Variants in STIP1 observed in about 807,000 individuals in gnomAD.
STIP1 encodes stress-induced-phosphoprotein 1.
Under a neutral mutation model 77.4 loss-of-function variants are expected in STIP1, and 16 were observed. The ratio of observed to expected loss-of-function variants is 0.21; its 90% CI spans 0.14 to 0.31. STIP1 has a LOEUF of 0.31. Ranked by LOEUF, STIP1 falls within the 10% of genes least tolerant of loss-of-function variation. The pLI is 1.00. For synonymous variants in STIP1, 258 were observed against 246.6 expected (o/e 1.05, Z -0.44); for missense variants, 524 against 684.8 (o/e 0.77, Z 2.62).
At chr11:64,185,649 G>T (rs3751122), upstream of STIP1, 89,806 of 838,148 alleles carry the variant, frequency 0.11, 7,848 homozygotes, top group East Asian at 0.47. Context: ...GCAACCCAGA[G>T]GCCCCGCAGC....
chr11:64,185,534 G>A (rs1420651690), upstream of STIP1: 3 of 442,638 alleles, frequency 6.8e-6, no homozygotes, highest in African/African-American at 4.1e-5. Flanking sequence ...AGCTCCCACC[G>A]GCTAGGACCC....
At chr11:64,199,372 G>C (rs1372308615) in intron 8 of STIP1, among the ~76,000 whole-genome samples, 1 of 149,242 alleles carries the variant, frequency 6.7e-6, no homozygotes, top group Non-Finnish European at 1.5e-5. Context: ...CTGGTATGGT[G>C]GTGGGCGCCT....
In STIP1 at chr11:64,186,244, T is replaced by C. The variant is rs1023112598; in HGVS notation, c.-18T>C. 10 of 1,505,716 alleles carry C rather than the reference T, an allele frequency of 6.6e-6. No individual in the cohort carries two copies. The highest frequency in any genetic ancestry group is 8.0e-6 in the Non-Finnish European group (9 of 1,119,822). The allele number at this position is 1,505,716 out of a possible 1,614,324, so 93.3% of individuals were successfully genotyped here. A position where few individuals can be genotyped will look rare whatever the true frequency, so the allele number is the denominator to read the frequency against. On this transcript the variant is annotated 5_prime_UTR_variant, in exon 1 of 14. Coordinates refer to ENST00000305218, the MANE Select transcript of STIP1 (RefSeq NM_006819.3). ...GCGGACGGATTCGATTCAACGGGGT[T>C]CCGGACCGCGCTGCGCTATGGAGCA...
intron 5 of STIP1, 46 bp from the exon 6 acceptor site, chr11:64,197,225 C>T (rs1946160651): frequency 1.9e-6 from 3 of 1,606,048 alleles, no homozygotes; most frequent in Non-Finnish European, 2.5e-6. Context: ...CTTGCTTTGT[C>T]ACCTGAGTTA....
intron 4 of STIP1, among the ~76,000 whole-genome samples, chr11:64,195,322 G>A (rs894605305): frequency 6.6e-6 from 1 of 152,040 alleles, no homozygotes; most frequent in African/African-American, 2.4e-5. Context: ...CACCATGTTG[G>A]CTAGGCTGGT....
chr11:64,198,641 C>G (rs1286321359), intron 8 of STIP1, among the ~76,000 whole-genome samples: 2 of 152,092 alleles, frequency 1.3e-5, no homozygotes, highest in East Asian at 3.9e-4. Context: ...GCCACTATGC[C>G]TGGCTGAACC....
rs1555043597 is a variant in STIP1 at position 64,202,987 on chromosome 11, A to G, written c.1282+75A>G. On this transcript the variant is annotated intron_variant, in intron 11 of 13. Coordinates refer to ENST00000305218, the MANE Select transcript of STIP1 (RefSeq NM_006819.3). ...GAAGGAAAGGGCAAGCCCTTTGTCT[A>G]CCTGTGTGTCCTTGGGACCTGTAGG... 8 of 1,605,654 alleles carry G rather than the reference A, an allele frequency of 5.0e-6. No homozygotes were observed. In the South Asian group the frequency reaches 8.8e-5, roughly 18 times the overall value.
Position 64,194,209 on chromosome 11 carries a change from A to G in STIP1, c.240A>G (p.Ala80=). The G allele has an allele frequency of 6.2e-7, 1 of 1,613,782 alleles. No homozygotes were observed. The highest frequency in any genetic ancestry group is 2.2e-5 in the East Asian group (1 of 44,886). ...DWGKGYSRKA[A]ALEFLNRFEE... is the part of the protein sequence containing the mutation. ...TTAAGGGCTATTCACGAAAAGCAGCAGCTCTAGAGTTCTTAAACCGCTTTG... is the reference window on the plus strand; with the variant it reads ...TTAAGGGCTATTCACGAAAAGCAGCGGCTCTAGAGTTCTTAAACCGCTTTG... The change falls in exon 3 of 14, where the codon GCA becomes GCG. Residue 80 remains alanine (A), a synonymous_variant. Transcript: ENST00000305218.
At chr11:64,202,754 ATGT>A (rs145620093) in intron 10 of STIP1, 119 bp from the exon 11 acceptor site, 55,862 of 1,072,564 alleles carry the variant, frequency 0.052, 1,757 homozygotes, top group Non-Finnish European at 0.062. Flanking sequence ...GTCTTTCCTG[ATGT>A]TGTCCCCTCT....
chr11:64,199,378 C>T (rs568560529), intron 8 of STIP1, among the ~76,000 whole-genome samples: 1 of 147,862 alleles, frequency 6.8e-6, no homozygotes, highest in African/African-American at 2.5e-5. Flanking sequence ...TGGTGGTGGG[C>T]GCCTGCAGTC....
intron 1 of STIP1, among the ~76,000 whole-genome samples, chr11:64,191,426 T>G (rs1946091270): frequency 6.6e-6 from 1 of 150,856 alleles, no homozygotes; most frequent in Admixed American, 6.6e-5. Context: ...GCCAACATGG[T>G]GAAACTCCAT....
Position 64,197,590 on chromosome 11 carries a change from T to G in STIP1, c.897T>G (p.Ile299Met). ...GRENREDYRQ[I>M]AKAYARIGNS... ...AAAACCGAGAAGACTATCGACAGAT[T>G]GCCAAGTAGGCTCAACCTTCCAGAA... Residue 299 changes from isoleucine (I) to methionine (M), a missense_variant, in exon 7 of 14, where the codon ATT becomes ATG. By Grantham distance (10) the Ile-to-Met change is conservative. Coordinates refer to ENST00000305218, the MANE Select transcript of STIP1 (RefSeq NM_006819.3). 1.9e-6 allele frequency: 3 copies of G among 1,614,136 alleles called. No individual in the cohort carries two copies. Among genetic ancestry groups the G allele is most frequent in the Non-Finnish European group, 2.5e-6 (3 of 1,179,992 alleles).
In STIP1 at chr11:64,197,529, G is replaced by A. The variant is rs551954785; in HGVS notation, c.836G>A (p.Arg279Gln). Residue 279 changes from arginine to glutamine, a missense_variant, in exon 7 of 14, where the codon CGG (arginine) becomes CAG (glutamine). By Grantham distance (43) the Arg-to-Gln change is conservative. Transcript: ENST00000305218. ...GAAAAGGGCGACTACAATAAGTGCC[G>A]GGAGCTTTGTGAGAAGGCCATTGAA... ...YFEKGDYNKC[R>Q]ELCEKAIEVG... 5.6e-6 allele frequency: 9 copies of A among 1,614,158 alleles called. No homozygotes were observed. Among genetic ancestry groups the A allele is most frequent in the African/African-American group, 4.0e-5 (3 of 75,036 alleles).
intron 8 of STIP1, among the ~76,000 whole-genome samples, chr11:64,198,653 G>A (rs929599857): frequency 6.6e-6 from 1 of 151,466 alleles, no homozygotes; most frequent in Non-Finnish European, 1.5e-5. Context: ...GGCTGAACCT[G>A]ATCTTTTTTT....
chr11:64,189,990 A>G lies in STIP1; in HGVS notation c.10-3088A>G, dbSNP rs916438050. The stretch of plus-strand genomic sequence containing the variant: ...CTGATCTCTCTATTTGAGGATTCCA[A>G]AATCATTTCTCTCTTTTTTTTTTTT... On this transcript the variant is annotated intron_variant, in intron 1 of 13. Coordinates refer to ENST00000305218, the MANE Select transcript of STIP1 (RefSeq NM_006819.3). Among the ~76,000 whole-genome samples the G allele has an allele frequency of 3.3e-5, 5 of 149,952 alleles. No homozygotes were observed. In the South Asian group the frequency reaches 6.3e-4, roughly 19 times the overall value.
intron 10 of STIP1, among the ~76,000 whole-genome samples, chr11:64,201,717 C>T (rs1488122407): frequency 3.3e-5 from 5 of 152,134 alleles, no homozygotes; most frequent in Non-Finnish European, 5.9e-5. Flanking sequence ...AGAGTCATGT[C>T]AAAAGCATAT....
intron 5 of STIP1, 63 bp downstream of exon 5, chr11:64,195,876 A>T (rs755416532): frequency 1.9e-6 from 3 of 1,602,818 alleles, no homozygotes; most frequent in East Asian, 2.2e-5. Context: ...TTTATGTTGA[A>T]TGGGGACATC....
chr11:64,198,855 G>A (rs1032163833), intron 8 of STIP1, among the ~76,000 whole-genome samples: 2 of 139,940 alleles, frequency 1.4e-5, no homozygotes, highest in African/African-American at 5.3e-5. Flanking sequence ...AATAGTTCTT[G>A]TAACATAACA....
In STIP1 at chr11:64,194,603, G is replaced by A; in HGVS notation, c.486G>A (p.Lys162=). Residue 162 remains lysine, a synonymous_variant, in exon 4 of 14, where the codon AAG becomes AAA. Transcript: ENST00000305218. ...AGCTGATAGAGCAGCTACGAAACAA[G>A]CCTTCTGACCTGGGCACGTAAGTGG... ...YRELIEQLRN[K]PSDLGTKLQD... 1.9e-6 allele frequency: 3 copies of A among 1,614,130 alleles called. No individual in the cohort carries two copies. Among genetic ancestry groups the A allele is most frequent in the Non-Finnish European group, 2.5e-6 (3 of 1,179,992 alleles).
Sources: gnomAD v4.1 joint callset for allele counts (sites outside exome capture counted in the v4.1 genomes callset) on GRCh38, gnomAD v4.1.1 for gene constraint, MANE v1.5 for transcripts, NCBI Gene and HGNC (gene_info 2026-07-23, HGNC 2026-07-21) for gene names.